The following CTXND2 variants were observed in gnomAD, a reference collection of about 807,000 sequenced individuals.
CTXND2 encodes the protein cortexin domain containing 2.
chr1:150,908,522 T>TA (rs1669192466), intron 1 of CTXND2, among the ~76,000 whole-genome samples: 1 of 152,166 alleles, frequency 6.6e-6, no homozygotes. Flanking sequence ...GTTGACCATT[T>TA]AAAAAATGTG....
At chr1:150,906,301 AAAC>A (rs962344799) in intron 1 of CTXND2, among the ~76,000 whole-genome samples, 7 of 152,042 alleles carry the variant, frequency 4.6e-5, no homozygotes, top group South Asian at 4.1e-4. Flanking sequence ...CCTACCTCAA[AAAC>A]AACAACAACA....
At chr1:150,896,607 T>C (rs1571598794) in intron 1 of CTXND2, among the ~76,000 whole-genome samples, 1 of 152,340 alleles carries the variant, frequency 6.6e-6, no homozygotes, top group South Asian at 2.1e-4. Flanking sequence ...GGATTCCTTC[T>C]TTACTACTAT....
At chr1:150,900,728 A>C (rs1026498376) in intron 1 of CTXND2, among the ~76,000 whole-genome samples, 2 of 152,228 alleles carry the variant, frequency 1.3e-5, no homozygotes, top group African/African-American at 4.8e-5. Context: ...TAATATCCCT[A>C]GTGTATAAAC....
At chr1:150,910,111 CTTTTTTCTGTTTTTT>C (rs1219184214) in intron 1 of CTXND2, among the ~76,000 whole-genome samples, 63 of 142,432 alleles carry the variant, frequency 4.4e-4, no homozygotes, top group Non-Finnish European at 8.7e-4. Flanking sequence ...ATTTCTTTTT[CTTTTTTCTGTTTTTT>C]TTTTTTCTTT....
At chr1:150,897,740 TGA>T (rs1668929555) in intron 1 of CTXND2, among the ~76,000 whole-genome samples, 1 of 152,236 alleles carries the variant, frequency 6.6e-6, no homozygotes, top group Admixed American at 6.5e-5. Flanking sequence ...ATAAACAATG[TGA>T]TATATCTATA....
chr1:150,898,160 T>G (rs1328656511), intron 1 of CTXND2, among the ~76,000 whole-genome samples: 3 of 151,998 alleles, frequency 2.0e-5, no homozygotes, highest in African/African-American at 7.2e-5. Flanking sequence ...GGGGTTTTTT[T>G]TTTTGTCTTT....
chr1:150,901,068 T>C (rs1669016504), intron 1 of CTXND2, among the ~76,000 whole-genome samples: 1 of 151,674 alleles, frequency 6.6e-6, no homozygotes, highest in Admixed American at 6.6e-5. Context: ...GCCACGATCA[T>C]GCCACTGCAC....
At chr1:150,905,712 C>A (rs12082683) in intron 1 of CTXND2, among the ~76,000 whole-genome samples, 3 of 151,968 alleles carry the variant, frequency 2.0e-5, no homozygotes, top group East Asian at 1.9e-4. Flanking sequence ...AGAATAAGGC[C>A]GGGCGCAGTG....
intron 1 of CTXND2, chr1:150,904,270 T>G: frequency 2.0e-6 from 1 of 492,096 alleles, no homozygotes; most frequent in Middle Eastern, 6.6e-4. Context: ...TTTTCATGTG[T>G]ACCATACTTT....
chr1:150,901,680 C>T (rs1016932612), intron 1 of CTXND2, among the ~76,000 whole-genome samples: 4 of 151,438 alleles, frequency 2.6e-5, no homozygotes, highest in Non-Finnish European at 5.9e-5. Context: ...TTTGGGAGGC[C>T]GAGGCGGGCA....
chr1:150,904,577 C>G (rs1669104402), intron 1 of CTXND2, among the ~76,000 whole-genome samples: 1 of 152,102 alleles, frequency 6.6e-6, no homozygotes, highest in Non-Finnish European at 1.5e-5. Context: ...TATTTGAATA[C>G]TGGAGAAATT....
At chr1:150,907,193 T>A (rs903428936) in intron 1 of CTXND2, among the ~76,000 whole-genome samples, 1 of 152,220 alleles carries the variant, frequency 6.6e-6, no homozygotes, top group Non-Finnish European at 1.5e-5. Context: ...TAAGATATAA[T>A]TCACATACAA....
At chr1:150,901,838 A>T (rs1001443079) in intron 1 of CTXND2, among the ~76,000 whole-genome samples, 1 of 151,988 alleles carries the variant, frequency 6.6e-6, no homozygotes, top group Non-Finnish European at 1.5e-5. Flanking sequence ...GAATGGCGTG[A>T]ACCTGGGAGG....
At chr1:150,894,206 T>C (rs2102594942) in intron 1 of CTXND2, among the ~76,000 whole-genome samples, 1 of 152,308 alleles carries the variant, frequency 6.6e-6, no homozygotes, top group Admixed American at 6.5e-5. Context: ...CTCAGCTTGG[T>C]ATTTGTGTCA....
At position 150,897,887 on chromosome 1, in the gene CTXND2, C is replaced by T. The variant is rs180870492; in HGVS notation, c.-74+10574C>T. On this transcript the variant is annotated intron_variant, in intron 1 of 1. Coordinates refer to ENST00000636087, the Ensembl canonical transcript of CTXND2. ...GGACAACTTCCTTGCAATTCTCTGG[C>T]AAGGTACAACTCTGTACCATAATGA... is the stretch of plus-strand genomic sequence containing the variant. Among the ~76,000 whole-genome samples the T allele has an allele frequency of 2.0e-5, 3 of 152,264 alleles. No individual in the cohort carries two copies. The East Asian group carries it at 5.8e-4, about 29-fold the overall frequency.
chr1:150,901,931 A>T (rs1169718781), intron 1 of CTXND2, among the ~76,000 whole-genome samples: 3 of 152,070 alleles, frequency 2.0e-5, no homozygotes, highest in East Asian at 1.9e-4. Context: ...ATCTAAAAAA[A>T]AAAAAATAAA....
intron 1 of CTXND2, among the ~76,000 whole-genome samples, chr1:150,906,818 C>A (rs756449115): frequency 2.6e-5 from 4 of 152,124 alleles, no homozygotes; most frequent in Non-Finnish European, 4.4e-5. Flanking sequence ...GACCACTGTA[C>A]CAAGCCATGT....
intron 1 of CTXND2, among the ~76,000 whole-genome samples, chr1:150,891,521 T>C (rs927849743): frequency 2.0e-5 from 3 of 152,192 alleles, no homozygotes; most frequent in Non-Finnish European, 4.4e-5. Context: ...CCTTATCTGA[T>C]ATTTCTAACA....
At chr1:150,904,400 T>C (rs1490845222) in intron 1 of CTXND2, among the ~76,000 whole-genome samples, 1 of 152,218 alleles carries the variant, frequency 6.6e-6, no homozygotes, top group Admixed American at 6.5e-5. Flanking sequence ...TTTTTGAATT[T>C]TAATAGTAAT....
Sources: gnomAD v4.1 joint callset for allele counts (sites outside exome capture counted in the v4.1 genomes callset) on GRCh38, gnomAD v4.1.1 for gene constraint, MANE v1.5 for transcripts, NCBI Gene and HGNC (gene_info 2026-07-23, HGNC 2026-07-21) for gene names.